Variants in ARID5B observed in about 807,000 individuals in gnomAD.
The protein encoded by ARID5B is AT-rich interactive domain-containing protein 5B.
A neutral mutation model predicts 97.2 loss-of-function variants in ARID5B; 13 were observed. The observed-to-expected ratio is 0.13, with a 90% confidence interval of 0.09 to 0.21. ARID5B has a LOEUF of 0.21. Among genes scored for constraint, ARID5B ranks in the 10% least tolerant of loss-of-function variants. ARID5B has a pLI of 1.00. For synonymous variants in ARID5B, 556 were observed against 570.3 expected (o/e 0.97, Z 0.36); for missense variants, 1,210 against 1,465.3 (o/e 0.83, Z 2.84).
chr10:62,033,208 C>G (rs150615376), intron 4 of ARID5B, among the ~76,000 whole-genome samples: 2,632 of 152,264 alleles, frequency 0.017, 28 homozygotes, highest in Non-Finnish European at 0.025. Flanking sequence ...TGGGGATTCT[C>G]CAAGCACATT....
chr10:61,957,000 G>A (rs1313662725), intron 3 of ARID5B, among the ~76,000 whole-genome samples: 3 of 152,146 alleles, frequency 2.0e-5, no homozygotes, highest in African/African-American at 7.2e-5. Flanking sequence ...ACCGCTTCCA[G>A]GCTCAAGTGA....
intron 3 of ARID5B, among the ~76,000 whole-genome samples, chr10:61,993,791 C>T (rs937545562): frequency 3.3e-5 from 5 of 152,012 alleles, no homozygotes; most frequent in African/African-American, 1.2e-4. Context: ...GATGCTTTGC[C>T]GTTGGTTGGT....
intron 3 of ARID5B, among the ~76,000 whole-genome samples, chr10:61,982,350 T>C (rs1346744802): frequency 6.6e-6 from 1 of 152,228 alleles, no homozygotes; most frequent in East Asian, 1.9e-4. Context: ...CTTGGCCTCC[T>C]TCTTGTCAAG....
rs371998179 is a variant in ARID5B, at chr10:62,091,495, C to T, written c.2032C>T (p.Leu678Phe). Residue 678 changes from leucine to phenylalanine, a missense_variant, in exon 10 of 10, where the codon CTC (leucine) becomes TTC (phenylalanine). Leu to Phe is a conservative substitution (Grantham distance 22, BLOSUM62 0). Around this residue, in one of 8 missense-constraint regions of ARID5B, gnomAD observed 800 missense variants for 839.1 expected, o/e 0.95. Transcript: ENST00000279873. ...CCATGGACTTAATTACACGCCCCTG[C>T]TCTACTCTAGGGGCAACCCAGGCAT... Reference protein sequence around the residue: ...ENHGLNYTPLLYSRGNPGIMS... With the variant: ...ENHGLNYTPLFYSRGNPGIMS... The T allele has an allele frequency of 6.0e-5, 96 of 1,613,324 alleles. No homozygotes were observed. The highest frequency in any genetic ancestry group is 7.9e-5 in the Non-Finnish European group (93 of 1,179,760).
chr10:61,912,472 C>T (rs1243520882), intron 2 of ARID5B, among the ~76,000 whole-genome samples: 1 of 151,988 alleles, frequency 6.6e-6, no homozygotes, highest in African/African-American at 2.4e-5. Context: ...ATGTTAATAA[C>T]TTGATTGTGG....
At chr10:62,086,709 A>AAAAC (rs778821864) in intron 9 of ARID5B, among the ~76,000 whole-genome samples, 55,409 of 113,334 alleles carry the variant, frequency 0.49, 16,155 homozygotes, top group Middle Eastern at 0.56. Flanking sequence ...AAAAAAAAAA[A>AAAAC]AAATATCAGG....
intron 4 of ARID5B, among the ~76,000 whole-genome samples, chr10:62,003,807 C>A (rs1839113114): frequency 6.6e-6 from 1 of 152,144 alleles, no homozygotes; most frequent in African/African-American, 2.4e-5. Context: ...ATGGGATGAC[C>A]TTGCCCAACT....
chr10:61,923,126 C>T (rs1280489569), intron 2 of ARID5B, among the ~76,000 whole-genome samples: 2 of 152,182 alleles, frequency 1.3e-5, no homozygotes, highest in South Asian at 2.1e-4. Context: ...AAGACATACA[C>T]ATGGGGCATG....
intron 7 of ARID5B, among the ~76,000 whole-genome samples, chr10:62,069,381 A>G (rs1269328409): frequency 1.3e-5 from 2 of 152,252 alleles, no homozygotes; most frequent in Non-Finnish European, 2.9e-5. Flanking sequence ...ATGCTTTATC[A>G]AATGACTTAA....
intron 3 of ARID5B, among the ~76,000 whole-genome samples, chr10:61,950,824 T>C (rs866235748): frequency 3.9e-5 from 6 of 152,330 alleles, no homozygotes; most frequent in African/African-American, 1.4e-4. Flanking sequence ...CTCACCTCAT[T>C]AGCCACTGTA....
chr10:61,995,993 C>G (rs1472656022), intron 3 of ARID5B, among the ~76,000 whole-genome samples: 2 of 152,150 alleles, frequency 1.3e-5, no homozygotes, highest in Admixed American at 6.5e-5. Context: ...TTTTGCCCCA[C>G]CAAGCATTGC....
In ARID5B at chr10:62,000,412, GC is replaced by G. The variant is rs1839061263; in HGVS notation, c.733+92del. The G allele has an allele frequency of 8.0e-7, 1 of 1,247,158 alleles. No individual in the cohort carries two copies. The highest frequency in any genetic ancestry group is 1.5e-5 in the African/African-American group (1 of 65,948). The allele number at this position is 1,247,158 out of a possible 1,614,324, so 77.3% of individuals were successfully genotyped here. ...CTGAAGAGCGGTGATGGGGAACGGGGCTCACTTTCACAAGCCCCATGTGCTG... is the reference window on the plus strand; with the variant it reads ...CTGAAGAGCGGTGATGGGGAACGGGGTCACTTTCACAAGCCCCATGTGCTG... On this transcript the variant is annotated intron_variant, in intron 4 of 9. Transcript: ENST00000279873. This position sits in a 1 kb window ranked among gnomAD's most constrained non-coding sequence, Gnocchi z 4.4.
intron 3 of ARID5B, among the ~76,000 whole-genome samples, chr10:61,944,640 A>G (rs1844471582): frequency 6.6e-6 from 1 of 152,240 alleles, no homozygotes; most frequent in Non-Finnish European, 1.5e-5. Context: ...CTACATTTAT[A>G]TGCTTTGGAT....
intron 3 of ARID5B, among the ~76,000 whole-genome samples, chr10:61,974,190 G>A (rs933837165): frequency 2.6e-5 from 4 of 152,154 alleles, no homozygotes; most frequent in Non-Finnish European, 1.5e-5. Flanking sequence ...AATTATTTCC[G>A]CAAGACAATG....
At chr10:62,070,546 C>T (rs535231879) in intron 8 of ARID5B, among the ~76,000 whole-genome samples, 4 of 152,202 alleles carry the variant, frequency 2.6e-5, no homozygotes, top group Admixed American at 6.5e-5. Flanking sequence ...GGGTCTTATA[C>T]GTACATCCTC....
At chr10:61,972,733 ATAT>A (rs1479731446) in intron 3 of ARID5B, among the ~76,000 whole-genome samples, 1 of 152,138 alleles carries the variant, frequency 6.6e-6, no homozygotes, top group Non-Finnish European at 1.5e-5. Context: ...CCCTGAAGTC[ATAT>A]TATTATTTCT....
At chr10:61,940,463 C>A (rs1020133079) in intron 3 of ARID5B, 55 bp downstream of exon 3, 1 of 1,466,368 alleles carries the variant, frequency 6.8e-7, no homozygotes, top group East Asian at 2.4e-5. Flanking sequence ...AGTAACTTTT[C>A]GGTTGAAGAT....
At chr10:62,072,107 G>A (rs188832698) in intron 8 of ARID5B, among the ~76,000 whole-genome samples, 1 of 152,204 alleles carries the variant, frequency 6.6e-6, no homozygotes, top group Non-Finnish European at 1.5e-5. Context: ...TGGAGAATGT[G>A]CCTCAGAGCT....
At chr10:61,970,101 A>G (rs551705063) in intron 3 of ARID5B, among the ~76,000 whole-genome samples, 1 of 152,244 alleles carries the variant, frequency 6.6e-6, no homozygotes, top group African/African-American at 2.4e-5. Flanking sequence ...TTGATTAGCC[A>G]TATTGAAATA....
Sources: gnomAD v4.1 joint callset for allele counts (sites outside exome capture counted in the v4.1 genomes callset) on GRCh38, gnomAD v4.1.1 for gene constraint, gnomAD v4.1.1 regional missense constraint, Gnocchi (gnomAD v3.1) non-coding constraint, MANE v1.5 for transcripts, NCBI Gene and HGNC (gene_info 2026-07-23, HGNC 2026-07-21) for gene names.